The following CDH2 variants were observed in gnomAD, a reference collection of about 807,000 sequenced individuals.
CDH2 encodes cadherin 2, also known as cadherin-2.
In CDH2, 17 loss-of-function variants were observed where a neutral mutation model predicts 92.0. The observed-to-expected ratio is 0.18, with a 90% CI of 0.13 to 0.28. The LOEUF (loss-of-function observed/expected upper bound fraction) is 0.28. CDH2 is among the 10% of genes least tolerant of loss of function. CDH2 has a pLI of 1.00. For missense variants in CDH2, 862 were observed against 1,133.1 expected (o/e 0.76, Z 3.44); for synonymous variants, 419 against 415.9 (o/e 1.01, Z -0.09).
chr18:28,054,873 T>C (rs749190876), intron 2 of CDH2, among the ~76,000 whole-genome samples: 1 of 152,194 alleles, frequency 6.6e-6, no homozygotes, highest in Non-Finnish European at 1.5e-5. Flanking sequence ...GTGAAGAAAA[T>C]GCATTTATGG....
chr18:28,057,598 C>T (rs62103084), intron 2 of CDH2, among the ~76,000 whole-genome samples: 10,953 of 151,220 alleles, frequency 0.072, 544 homozygotes, highest in Non-Finnish European at 0.1. Context: ...ACCCGGGAGG[C>T]GGCAGTTGCA....
intron 11 of CDH2, among the ~76,000 whole-genome samples, chr18:27,986,255 T>C (rs916154894): frequency 1.4e-4 from 21 of 152,176 alleles, no homozygotes; most frequent in Admixed American, 6.5e-5. Context: ...ACCACAGACC[T>C]CAACTCAGGA....
intron 2 of CDH2, among the ~76,000 whole-genome samples, chr18:28,124,470 T>G (rs2015642907): frequency 6.6e-6 from 1 of 152,118 alleles, no homozygotes; most frequent in Non-Finnish European, 1.5e-5. Flanking sequence ...GCACCCATTT[T>G]TACACATTCA....
intron 2 of CDH2, among the ~76,000 whole-genome samples, chr18:28,052,125 G>C (rs1260536898): frequency 6.6e-6 from 1 of 152,098 alleles, no homozygotes; most frequent in Non-Finnish European, 1.5e-5. Context: ...AAGCAAGCTT[G>C]TATATTTTAC....
At chr18:28,141,660 C>A (rs2015955628) in intron 2 of CDH2, among the ~76,000 whole-genome samples, 1 of 151,996 alleles carries the variant, frequency 6.6e-6, no homozygotes, top group South Asian at 2.1e-4. Flanking sequence ...TCTTGTCATT[C>A]TGCTCTTTCC....
chr18:28,138,721 G>A (rs905122801), intron 2 of CDH2, among the ~76,000 whole-genome samples: 2 of 152,050 alleles, frequency 1.3e-5, no homozygotes, highest in African/African-American at 4.8e-5. Context: ...CATGATCACC[G>A]TTCAACATGA....
intron 10 of CDH2, among the ~76,000 whole-genome samples, chr18:27,989,420 A>C (rs2012338121): frequency 6.6e-6 from 1 of 152,192 alleles, no homozygotes; most frequent in Non-Finnish European, 1.5e-5. Flanking sequence ...GTGAATAGAG[A>C]AATGGAGAAC....
rs191153634 is a variant in CDH2, at chr18:28,001,143, A to G, written c.1020+1854T>C. Reference sequence around the variant, plus strand: ...ATTCTATAGTTTCAAATCCATTTCCACATTAGTTTAATCAAGGGGTAGTGA... The same window carrying G: ...ATTCTATAGTTTCAAATCCATTTCCGCATTAGTTTAATCAAGGGGTAGTGA... On this transcript the variant is annotated intron_variant, in intron 7 of 15. Coordinates refer to ENST00000269141, the MANE Select transcript of CDH2 (RefSeq NM_001792.5). Among the ~76,000 whole-genome samples the G allele has an allele frequency of 1.6e-4, 24 of 152,256 alleles. No individual in the cohort carries two copies. The East Asian group carries it at 4.6e-3, about 29-fold the overall frequency.
intron 14 of CDH2, among the ~76,000 whole-genome samples, chr18:27,974,012 A>G (rs2011743200): frequency 6.6e-6 from 1 of 152,176 alleles, no homozygotes; most frequent in South Asian, 2.1e-4. Flanking sequence ...TACATTTTCA[A>G]CTAGACTTAG....
intron 2 of CDH2, among the ~76,000 whole-genome samples, chr18:28,110,536 T>C (rs1305222492): frequency 1.3e-5 from 2 of 152,094 alleles, no homozygotes; most frequent in Non-Finnish European, 2.9e-5. Flanking sequence ...TCCTCATGCC[T>C]GAAATAACGA....
intron 2 of CDH2, among the ~76,000 whole-genome samples, chr18:28,077,297 A>G (rs2014739176): frequency 6.6e-6 from 1 of 152,202 alleles, no homozygotes; most frequent in South Asian, 2.1e-4. Flanking sequence ...GTTAACAGTC[A>G]AATAATGAAG....
chr18:28,036,585 T>C (rs750482896), intron 2 of CDH2: 2 of 1,472,792 alleles, frequency 1.4e-6, no homozygotes, highest in Middle Eastern at 1.7e-4. Context: ...TCCTTCTGCT[T>C]AGTGAACAAA....
At chr18:28,077,204 G>C (rs2014737349) in intron 2 of CDH2, among the ~76,000 whole-genome samples, 2 of 152,082 alleles carry the variant, frequency 1.3e-5, no homozygotes, top group South Asian at 4.1e-4. Flanking sequence ...ACTAAAACTG[G>C]TAAAAGCCAA....
chr18:28,143,458 C>T (rs953748491), intron 2 of CDH2, among the ~76,000 whole-genome samples: 8 of 151,786 alleles, frequency 5.3e-5, no homozygotes, highest in African/African-American at 1.9e-4. Context: ...CTTCAAAAGC[C>T]CCAGGTTCTT....
At chr18:28,004,639 T>G (rs1356535547) in intron 6 of CDH2, among the ~76,000 whole-genome samples, 1 of 152,192 alleles carries the variant, frequency 6.6e-6, no homozygotes, top group Non-Finnish European at 1.5e-5. Context: ...ATAAAAAAAT[T>G]TCCACAGTCC....
intron 2 of CDH2, among the ~76,000 whole-genome samples, chr18:28,073,174 C>A (rs2014653646): frequency 6.6e-6 from 1 of 152,094 alleles, no homozygotes; most frequent in African/African-American, 2.4e-5. Context: ...GTAAACAAAT[C>A]TTCTTCCAAA....
chr18:27,969,106 T>C (rs1232711595), intron 14 of CDH2, among the ~76,000 whole-genome samples: 3 of 152,226 alleles, frequency 2.0e-5, no homozygotes, highest in Non-Finnish European at 4.4e-5. Context: ...GTAACTATCT[T>C]CACAGGTGAA....
intron 2 of CDH2, among the ~76,000 whole-genome samples, chr18:28,144,349 G>T (rs1598505577): frequency 6.9e-6 from 1 of 143,918 alleles, no homozygotes; most frequent in South Asian, 2.1e-4. Flanking sequence ...ACATATATAT[G>T]CCACGGGATA....
At chr18:28,102,915 GA>G (rs903281079) in intron 2 of CDH2, among the ~76,000 whole-genome samples, 16 of 148,256 alleles carry the variant, frequency 1.1e-4, no homozygotes, top group South Asian at 8.5e-4. Context: ...TTCAGATTAT[GA>G]AAAAAAAAAT....
Sources: allele counts gnomAD v4.1 joint callset (sites outside exome capture counted in the v4.1 genomes callset), GRCh38; gene constraint gnomAD v4.1.1; transcripts MANE v1.5; gene names NCBI Gene and HGNC (gene_info 2026-07-23, HGNC 2026-07-21).